Variants in GUCY1A2 observed in about 807,000 individuals in gnomAD.
The protein encoded by GUCY1A2 is guanylate cyclase soluble subunit alpha-2.
Under a neutral mutation model 63.5 loss-of-function variants are expected in GUCY1A2, and 27 were observed. The ratio of observed to expected loss-of-function variants is 0.43; its 90% CI spans 0.31 to 0.59. GUCY1A2 has a LOEUF of 0.59. GUCY1A2 is among the 20% of genes least tolerant of loss of function. The pLI is 0.11. For synonymous variants in GUCY1A2, 364 were observed against 343.5 expected (o/e 1.06, Z -0.66); for missense variants, 768 against 913.3 (o/e 0.84, Z 2.05).
chr11:106,935,217 C>A (rs912165807), intron 4 of GUCY1A2, among the ~76,000 whole-genome samples: 1 of 152,092 alleles, frequency 6.6e-6, no homozygotes, highest in Admixed American at 6.6e-5. Context: ...CTACTGATAC[C>A]TGGTGCTTTC....
chr11:106,850,120 T>A (rs1279986905), intron 4 of GUCY1A2, among the ~76,000 whole-genome samples: 2 of 151,802 alleles, frequency 1.3e-5, no homozygotes, highest in African/African-American at 4.8e-5. Context: ...TGATGTTTCA[T>A]ATAAATGGAA....
chr11:106,937,270 T>C (rs1860692263), intron 4 of GUCY1A2, among the ~76,000 whole-genome samples: 1 of 152,226 alleles, frequency 6.6e-6, no homozygotes. Flanking sequence ...ATCTCCTCAA[T>C]GAGCACAGTT....
At position 106,676,390 on chromosome 11, in the gene GUCY1A2, T is replaced by G. The variant is rs1375347142; in HGVS notation, c.*11159A>C. ...TTGATCCAAGCTGTACTTTTTTTTT[T>G]TTTGTATTTAATAAAATGGCAATTT... On this transcript the variant is annotated 3_prime_UTR_variant, in exon 8 of 8. Transcript: ENST00000526355. The G allele has an allele frequency of 5.3e-6, 1 of 186,996 alleles. No individual in the cohort carries two copies. Among genetic ancestry groups the G allele is most frequent in the East Asian group, 8.6e-5 (1 of 11,668 alleles). The allele number at this position is 186,996 out of a possible 1,614,324, so 11.6% of individuals were successfully genotyped here. A position where few individuals can be genotyped will look rare whatever the true frequency, so the allele number is the denominator to read the frequency against.
intron 7 of GUCY1A2, among the ~76,000 whole-genome samples, chr11:106,695,002 T>C (rs982323747): frequency 1.3e-5 from 2 of 152,176 alleles, no homozygotes; most frequent in African/African-American, 4.8e-5. Context: ...GTTGGGTGTG[T>C]GTGCATGCAT....
chr11:106,901,435 G>A (rs1357904638), intron 4 of GUCY1A2, among the ~76,000 whole-genome samples: 1 of 152,086 alleles, frequency 6.6e-6, no homozygotes, highest in South Asian at 2.1e-4. Flanking sequence ...CACCTCCCAT[G>A]AATCGTCAAT....
At chr11:106,797,337 G>A (rs368581102) in intron 5 of GUCY1A2, among the ~76,000 whole-genome samples, 13 of 152,094 alleles carry the variant, frequency 8.5e-5, no homozygotes, top group African/African-American at 3.1e-4. Context: ...CCTTTGGAGG[G>A]GGAGAGGCGC....
intron 6 of GUCY1A2, among the ~76,000 whole-genome samples, chr11:106,764,940 G>A (rs1451277028): frequency 8.6e-6 from 1 of 116,264 alleles, no homozygotes; most frequent in African/African-American, 3.4e-5. Flanking sequence ...TGTAAAATAA[G>A]ATTAACGAAA....
intron 4 of GUCY1A2, among the ~76,000 whole-genome samples, chr11:106,835,652 C>G (rs1213468106): frequency 6.6e-6 from 1 of 150,600 alleles, no homozygotes; most frequent in African/African-American, 2.4e-5. Flanking sequence ...ACAGATAGCA[C>G]AGAGATCATA....
At chr11:106,953,405 T>C (rs982877566) in intron 3 of GUCY1A2, among the ~76,000 whole-genome samples, 1 of 152,218 alleles carries the variant, frequency 6.6e-6, no homozygotes, top group Non-Finnish European at 1.5e-5. Context: ...TTTTTTGATG[T>C]GCTGCTCATT....
chr11:106,788,495 T>C (rs1365129678), intron 5 of GUCY1A2, among the ~76,000 whole-genome samples: 1 of 152,222 alleles, frequency 6.6e-6, no homozygotes, highest in African/African-American at 2.4e-5. Flanking sequence ...TCTAATGTTT[T>C]CTTTTAGTGG....
chr11:106,865,382 C>A (rs1469856586), intron 4 of GUCY1A2, among the ~76,000 whole-genome samples: 1 of 151,994 alleles, frequency 6.6e-6, no homozygotes, highest in African/African-American at 2.4e-5. Context: ...TCTCTATCTC[C>A]TTCAGTTCTG....
chr11:106,945,153 A>AG (rs1860809450), intron 3 of GUCY1A2, among the ~76,000 whole-genome samples: 1 of 138,604 alleles, frequency 7.2e-6, no homozygotes, highest in African/African-American at 2.9e-5. Context: ...TGGATTCCTG[A>AG]AAAAAAAAAA....
chr11:106,717,571 T>C (rs1863237367), intron 6 of GUCY1A2, among the ~76,000 whole-genome samples: 2 of 152,184 alleles, frequency 1.3e-5, no homozygotes, highest in African/African-American at 4.8e-5. Flanking sequence ...AGGTCTATAA[T>C]AGAAAAAGAA....
chr11:106,894,167 G>C (rs1860013215), intron 4 of GUCY1A2, among the ~76,000 whole-genome samples: 1 of 152,058 alleles, frequency 6.6e-6, no homozygotes, highest in Non-Finnish European at 1.5e-5. Flanking sequence ...ATACCCAACA[G>C]GTCAAGAAAC....
rs565229394 is a variant in GUCY1A2, at chr11:106,676,453, C to A, written c.*11096G>T. ...GAATACTCAAAATTGTAGCTAAAAACAGCTATCTGAATATAGGTTTAAAAC... is the reference window on the plus strand; with the variant it reads ...GAATACTCAAAATTGTAGCTAAAAAAAGCTATCTGAATATAGGTTTAAAAC... On this transcript the variant is annotated 3_prime_UTR_variant, in exon 8 of 8. Transcript: ENST00000526355. 50 of 185,074 alleles carry A rather than the reference C, an allele frequency of 2.7e-4. No homozygotes were observed. Among genetic ancestry groups the A allele is most frequent in the Middle Eastern group, 2.0e-3 (1 of 498 alleles). The allele number at this position is 185,074 out of a possible 1,614,324, so 11.5% of individuals were successfully genotyped here. A position where few individuals can be genotyped will look rare whatever the true frequency, so the allele number is the denominator to read the frequency against.
chr11:106,712,281 A>C (rs1863133778), intron 6 of GUCY1A2, among the ~76,000 whole-genome samples: 2 of 152,082 alleles, frequency 1.3e-5, no homozygotes, highest in African/African-American at 4.8e-5. Context: ...TGCAATGTCT[A>C]ATTTGTTATT....
At chr11:106,915,105 G>T (rs779149493) in intron 4 of GUCY1A2, among the ~76,000 whole-genome samples, 1 of 152,122 alleles carries the variant, frequency 6.6e-6, no homozygotes, top group African/African-American at 2.4e-5. Context: ...GTTTAAAAAA[G>T]TTCTTCAGGA....
intron 4 of GUCY1A2, chr11:106,827,082 C>T: frequency 6.6e-7 from 1 of 1,509,580 alleles, no homozygotes; most frequent in Non-Finnish European, 9.2e-7. Context: ...AAATTCTAAA[C>T]TCATCCTGAA....
At chr11:107,008,232 T>C (rs1861698486) in intron 1 of GUCY1A2, among the ~76,000 whole-genome samples, 1 of 140,840 alleles carries the variant, frequency 7.1e-6, no homozygotes, top group African/African-American at 2.5e-5. Context: ...TGAGCCAAGA[T>C]TGTGCCACTG....
Sources: allele counts gnomAD v4.1 joint callset (sites outside exome capture counted in the v4.1 genomes callset), GRCh38; gene constraint gnomAD v4.1.1; transcripts MANE v1.5; gene names NCBI Gene and HGNC (gene_info 2026-07-23, HGNC 2026-07-21).